The following DCC variants were observed in gnomAD, a reference collection of about 807,000 sequenced individuals.
DCC encodes the protein DCC netrin 1 receptor, also known as netrin receptor DCC.
In DCC, 58 loss-of-function variants were observed where a neutral mutation model predicts 172.5. That is an observed-to-expected ratio of 0.34 (90% CI 0.27 to 0.42). DCC has a LOEUF of 0.42. Ranked by LOEUF, DCC falls within the 10% of genes least tolerant of loss-of-function variation. DCC has a pLI of 1.00. For missense variants in DCC, 1,740 were observed against 1,791.0 expected (o/e 0.97, Z 0.51); for synonymous variants, 709 against 644.5 (o/e 1.10, Z -1.52).
At chr18:53,397,953 C>T (rs560970711) in intron 18 of DCC, among the ~76,000 whole-genome samples, 1 of 149,168 alleles carries the variant, frequency 6.7e-6, no homozygotes, top group East Asian at 1.9e-4. Context: ...AATGGGGTAA[C>T]ATAATAGAAG....
chr18:53,529,448 G>A (rs1439939106), intron 28 of DCC, among the ~76,000 whole-genome samples: 2 of 152,072 alleles, frequency 1.3e-5, no homozygotes, highest in African/African-American at 4.8e-5. Flanking sequence ...CGCTAGCCAA[G>A]AATAATAAGT....
intron 2 of DCC, among the ~76,000 whole-genome samples, chr18:52,902,009 T>C (rs547829419): frequency 1.6e-4 from 25 of 152,300 alleles, no homozygotes; most frequent in African/African-American, 5.5e-4. Context: ...AGATTTTTGA[T>C]TGAGTACCTA....
intron 7 of DCC, among the ~76,000 whole-genome samples, chr18:53,146,897 A>G: frequency 6.6e-6 from 1 of 152,224 alleles, no homozygotes; most frequent in East Asian, 1.9e-4. Flanking sequence ...CATAATTCAA[A>G]TCAATATGGA....
At position 52,964,344 on chromosome 18, in the gene DCC, T is replaced by A. The variant is rs138540855; in HGVS notation, c.985+38974T>A. ...GAATCTAAAGACTAACTTTTCAAAT[T>A]GTCCATTATTTGTTAATAAAAAACA... On this transcript the variant is annotated intron_variant, in intron 5 of 28. Transcript: ENST00000442544. 4.3e-4 allele frequency among the ~76,000 whole-genome samples: 66 copies of A among 152,294 alleles called. No individual in the cohort carries two copies. The East Asian group carries it at 0.011, about 26-fold the overall frequency.
intron 1 of DCC, among the ~76,000 whole-genome samples, chr18:52,544,127 A>C (rs1198561440): frequency 6.6e-6 from 1 of 152,236 alleles, no homozygotes; most frequent in Non-Finnish European, 1.5e-5. Context: ...GAACAGGAAC[A>C]GAAAGAAAAA....
At chr18:53,513,331 A>ACAAC (rs1205373797) in intron 27 of DCC, among the ~76,000 whole-genome samples, 1 of 152,240 alleles carries the variant, frequency 6.6e-6, no homozygotes, top group African/African-American at 2.4e-5. Flanking sequence ...ATGGAAAGGA[A>ACAAC]CAACCGGTAC....
chr18:52,704,476 T>C (rs1414209658), intron 1 of DCC, among the ~76,000 whole-genome samples: 1 of 152,214 alleles, frequency 6.6e-6, no homozygotes, highest in Non-Finnish European at 1.5e-5. Flanking sequence ...TGTTTTCAAT[T>C]ATATTCAAAA....
intron 7 of DCC, among the ~76,000 whole-genome samples, chr18:53,138,728 C>G (rs1351813275): frequency 6.6e-6 from 1 of 152,160 alleles, no homozygotes; most frequent in Non-Finnish European, 1.5e-5. Context: ...ATATTTCAAA[C>G]AATATGACAG....
intron 7 of DCC, among the ~76,000 whole-genome samples, chr18:53,104,501 T>C (rs556961631): frequency 3.3e-5 from 5 of 152,168 alleles, no homozygotes; most frequent in African/African-American, 1.2e-4. Flanking sequence ...TCCCCAGCCA[T>C]GTGGAACTGT....
intron 5 of DCC, among the ~76,000 whole-genome samples, chr18:52,984,332 T>C (rs1021564418): frequency 6.6e-6 from 1 of 152,234 alleles, no homozygotes; most frequent in African/African-American, 2.4e-5. Context: ...GTGGGAGGAC[T>C]TAGGTTTTCA....
At chr18:53,429,792 A>G (rs1911493010) in intron 21 of DCC, among the ~76,000 whole-genome samples, 1 of 152,156 alleles carries the variant, frequency 6.6e-6, no homozygotes. Flanking sequence ...CAGGCATAGC[A>G]GTAACAATGT....
At chr18:52,944,312 T>C (rs746213549) in intron 5 of DCC, among the ~76,000 whole-genome samples, 6 of 152,096 alleles carry the variant, frequency 3.9e-5, no homozygotes, top group Non-Finnish European at 7.4e-5. Flanking sequence ...CTATACTTTG[T>C]AGGAAATGAT....
intron 1 of DCC, among the ~76,000 whole-genome samples, chr18:52,694,589 A>T (rs2035982277): frequency 6.6e-6 from 1 of 150,646 alleles, no homozygotes; most frequent in South Asian, 2.1e-4. Flanking sequence ...CTTTTTACAT[A>T]TACTTCTTTT....
intron 14 of DCC, among the ~76,000 whole-genome samples, chr18:53,332,822 T>C (rs1291316288): frequency 6.6e-6 from 1 of 151,984 alleles, no homozygotes; most frequent in East Asian, 1.9e-4. Flanking sequence ...ACTAAGTAAA[T>C]GTTGCTGCAT....
chr18:53,386,788 G>A (rs1224253413), intron 16 of DCC, among the ~76,000 whole-genome samples: 4 of 152,184 alleles, frequency 2.6e-5, no homozygotes, highest in Non-Finnish European at 5.9e-5. Context: ...TCAAGATACT[G>A]AGAAAGAAAT....
chr18:52,819,869 C>G (rs2038373211), intron 2 of DCC, among the ~76,000 whole-genome samples: 1 of 151,390 alleles, frequency 6.6e-6, no homozygotes, highest in Admixed American at 6.6e-5. Flanking sequence ...CAGGTGCCCA[C>G]CACCATGCCC....
intron 14 of DCC, among the ~76,000 whole-genome samples, chr18:53,330,929 C>T (rs898399537): frequency 1.3e-5 from 2 of 152,178 alleles, no homozygotes; most frequent in African/African-American, 2.4e-5. Context: ...TCACACAGTG[C>T]CTGCTACATA....
intron 27 of DCC, among the ~76,000 whole-genome samples, chr18:53,523,270 G>A (rs1034218120): frequency 2.0e-5 from 3 of 152,138 alleles, no homozygotes; most frequent in Admixed American, 6.5e-5. Flanking sequence ...AACAACAGAT[G>A]CTAGAGAGGA....
intron 1 of DCC, among the ~76,000 whole-genome samples, chr18:52,546,118 G>A (rs1568222545): frequency 6.6e-6 from 1 of 152,090 alleles, no homozygotes. Flanking sequence ...GATTCGAGAG[G>A]TGTCTTCCTA....
Sources: allele counts gnomAD v4.1 joint callset (sites outside exome capture counted in the v4.1 genomes callset), GRCh38; gene constraint gnomAD v4.1.1; transcripts MANE v1.5; gene names NCBI Gene and HGNC (gene_info 2026-07-23, HGNC 2026-07-21).